Variants in CSMD1 observed in about 807,000 individuals in gnomAD.
CSMD1 encodes CUB and Sushi multiple domains 1.
Under a neutral mutation model 417.5 loss-of-function variants are expected in CSMD1, and 213 were observed. The ratio of observed to expected loss-of-function variants is 0.51; its 90% confidence interval spans 0.46 to 0.57. The LOEUF (loss-of-function observed/expected upper bound fraction) is 0.57. CSMD1 is among the 20% of genes least tolerant of loss of function. The probability of loss-of-function intolerance (pLI) is 0.00; values close to 1 mark genes in which losing one functional copy is unlikely to be tolerated. For missense variants in CSMD1, 6,923 were observed against 4,529.7 expected (o/e 1.53, Z -15.17); for synonymous variants, 2,862 against 1,736.8 (o/e 1.65, Z -16.11).
At chr8:3,899,122 G>T (rs10097499) in intron 5 of CSMD1, among the ~76,000 whole-genome samples, 1 of 151,940 alleles carries the variant, frequency 6.6e-6, no homozygotes, top group African/African-American at 2.4e-5. Context: ...ACTGACTGGC[G>T]CCATGTTAGG....
chr8:3,860,051 T>C (rs1437518594), intron 5 of CSMD1, among the ~76,000 whole-genome samples: 2 of 152,008 alleles, frequency 1.3e-5, no homozygotes, highest in Non-Finnish European at 2.9e-5. Flanking sequence ...GTCATGCCCT[T>C]GCGCTTTGCA....
At chr8:3,052,221 C>T (rs748558845) in intron 50 of CSMD1, among the ~76,000 whole-genome samples, 5 of 152,198 alleles carry the variant, frequency 3.3e-5, no homozygotes, top group Non-Finnish European at 7.3e-5. Context: ...GTGCAAATTA[C>T]ATCGTGTCTA....
At chr8:4,081,015 T>C (rs949183915) in intron 3 of CSMD1, among the ~76,000 whole-genome samples, 1 of 152,122 alleles carries the variant, frequency 6.6e-6, no homozygotes, top group Admixed American at 6.6e-5. Context: ...CTTTTCGCCT[T>C]TGCCTCCCTT....
chr8:4,392,080 C>G (rs1803886124), intron 3 of CSMD1, among the ~76,000 whole-genome samples: 1 of 152,196 alleles, frequency 6.6e-6, no homozygotes, highest in African/African-American at 2.4e-5. Context: ...GGGTCTGCAG[C>G]TGCATGAGTG....
intron 5 of CSMD1, among the ~76,000 whole-genome samples, chr8:3,994,964 C>A (rs899077672): frequency 7.2e-5 from 11 of 152,176 alleles, no homozygotes; most frequent in African/African-American, 2.7e-4. Flanking sequence ...ACTCGCACCA[C>A]CCTCCTGGCT....
At chr8:4,975,629 C>T (rs1318611853) in intron 1 of CSMD1, among the ~76,000 whole-genome samples, 6 of 152,036 alleles carry the variant, frequency 3.9e-5, no homozygotes, top group South Asian at 2.1e-4. Flanking sequence ...GTATTGCATC[C>T]GAACAAAACA....
intron 3 of CSMD1, among the ~76,000 whole-genome samples, chr8:4,392,831 G>A (rs1803941261): frequency 6.6e-6 from 1 of 151,698 alleles, no homozygotes; most frequent in Non-Finnish European, 1.5e-5. Flanking sequence ...AGCCGGGTGT[G>A]GTGGCAGGCA....
chr8:4,909,281 C>T (rs1032877840), intron 1 of CSMD1, among the ~76,000 whole-genome samples: 7 of 151,874 alleles, frequency 4.6e-5, no homozygotes, highest in African/African-American at 1.7e-4. Context: ...TCCTGTGTTT[C>T]AGGGCTATGA....
At chr8:4,042,815 T>TAAAAAAAAA (rs60411612) in intron 3 of CSMD1, among the ~76,000 whole-genome samples, 2,197 of 41,272 alleles carry the variant, frequency 0.053, 484 homozygotes, top group Non-Finnish European at 0.077. Flanking sequence ...TACAACATAT[T>TAAAAAAAAA]AAAAAAAAAA....
At chr8:4,929,627 T>G (rs181371809) in intron 1 of CSMD1, among the ~76,000 whole-genome samples, 2 of 152,188 alleles carry the variant, frequency 1.3e-5, no homozygotes, top group African/African-American at 4.8e-5. Flanking sequence ...TTTGTCACCA[T>G]TTTCATCTGA....
Position 4,415,167 on chromosome 8 carries a change from T to A in CSMD1, c.415+4786A>T, listed in dbSNP as rs1217529. 1.6e-4 allele frequency among the ~76,000 whole-genome samples: 25 copies of A among 151,970 alleles called. No homozygotes were observed. In the East Asian group the frequency reaches 4.6e-3, roughly 28 times the overall value. On this transcript the variant is annotated intron_variant, in intron 3 of 69. Coordinates refer to ENST00000635120, the MANE Select transcript of CSMD1 (RefSeq NM_033225.6). ...TTCAGATAGGGCAGAAAGGCTCAGC[T>A]CCAGGCTCTCTGAGCTCCAGAGAAC... is the stretch of plus-strand genomic sequence containing the variant.
chr8:3,767,907 C>T (rs890228707), intron 5 of CSMD1, among the ~76,000 whole-genome samples: 2 of 152,052 alleles, frequency 1.3e-5, no homozygotes, highest in African/African-American at 4.8e-5. Context: ...AAAAGTTTCC[C>T]AACTTCTTAG....
chr8:4,522,094 C>G (rs961600436), intron 2 of CSMD1, among the ~76,000 whole-genome samples: 1 of 152,086 alleles, frequency 6.6e-6, no homozygotes, highest in African/African-American at 2.4e-5. Context: ...CCCATGATTC[C>G]CATGTGTTGT....
At chr8:3,886,957 C>T (rs1269096681) in intron 5 of CSMD1, among the ~76,000 whole-genome samples, 1 of 152,158 alleles carries the variant, frequency 6.6e-6, no homozygotes, top group Non-Finnish European at 1.5e-5. Context: ...AAATGCATGT[C>T]TTCAGATAAA....
At chr8:2,972,356 T>C (rs1247079205) in intron 57 of CSMD1, among the ~76,000 whole-genome samples, 3 of 152,218 alleles carry the variant, frequency 2.0e-5, no homozygotes, top group Admixed American at 1.3e-4. Flanking sequence ...CAATACATAT[T>C]GAATTAATTT....
At chr8:3,391,749 A>G (rs1811363032) in intron 17 of CSMD1, among the ~76,000 whole-genome samples, 3 of 152,332 alleles carry the variant, frequency 2.0e-5, no homozygotes, top group African/African-American at 7.2e-5. Flanking sequence ...AATATAAGTC[A>G]GCCTCGAGTA....
At chr8:4,702,115 G>C (rs917971007) in intron 1 of CSMD1, among the ~76,000 whole-genome samples, 1 of 152,180 alleles carries the variant, frequency 6.6e-6, no homozygotes, top group Non-Finnish European at 1.5e-5. Context: ...TCAGGGATGA[G>C]GTGGGCGAAG....
chr8:4,585,107 A>G (rs886811615), intron 2 of CSMD1, among the ~76,000 whole-genome samples: 125 of 152,216 alleles, frequency 8.2e-4, no homozygotes, highest in Middle Eastern at 6.8e-3. Flanking sequence ...AGAAAAAAAA[A>G]AAAAGTACAA....
At chr8:4,510,907 C>G (rs1028258329) in intron 2 of CSMD1, among the ~76,000 whole-genome samples, 1 of 150,388 alleles carries the variant, frequency 6.6e-6, no homozygotes, top group African/African-American at 2.4e-5. Flanking sequence ...CTCTTCCTCC[C>G]TCTCCCTGTC....
Sources: allele counts gnomAD v4.1 joint callset (sites outside exome capture counted in the v4.1 genomes callset), GRCh38; gene constraint gnomAD v4.1.1; transcripts MANE v1.5; gene names NCBI Gene and HGNC (gene_info 2026-07-23, HGNC 2026-07-21).